RPS3A: variants seen among roughly 807,000 people sequenced by gnomAD.
RPS3A encodes small ribosomal subunit protein eS1.
RPS3A carries 1 observed loss-of-function variant against 26.4 expected under a neutral mutation model. That is an observed-to-expected ratio of 0.04 (90% CI 0.01 to 0.18). RPS3A has a LOEUF of 0.18. RPS3A is among the 10% of genes least tolerant of loss of function. The pLI is 1.00. For missense variants in RPS3A, 139 were observed against 326.8 expected, an observed-to-expected ratio of 0.43 and a Z score of 4.43; for synonymous variants, 97 against 106.1, an observed-to-expected ratio of 0.91 and a Z score of 0.53.
chr4:151,103,707 G>C (rs1747230458), intron 4 of RPS3A: 1 of 1,089,036 alleles, frequency 9.2e-7, no homozygotes, highest in South Asian at 2.1e-5. Context: ...TTTGAGGCCA[G>C]CCTGGGCAAT....
Position 151,101,109 on chromosome 4 carries a change from C to T in RPS3A, c.301C>T (p.His101Tyr). 1 of 1,607,926 alleles carries T rather than the reference C, an allele frequency of 6.2e-7. No individual in the cohort carries two copies. The highest frequency in any genetic ancestry group is 8.5e-7 in the Non-Finnish European group (1 of 1,176,132). The change falls in exon 3 of 6, where the codon CAT becomes TAT. Residue 101 changes from histidine to tyrosine, a missense_variant. Physicochemically the swap from His to Tyr is moderately conservative, Grantham distance 83. This residue lies in a region of RPS3A where 96 missense variants were observed against 209.8 expected (regional missense o/e 0.46). Transcript: ENST00000274065. ...VQGKNCLTNF[H>Y]GMDLTRDKMC... ...GGGTAAAAACTGCCTGACTAACTTC[C>T]ATGGCATGGATCTTACCCGTGACAA...
rs200415657 is a variant in RPS3A at position 151,099,676 on chromosome 4, C to G, written c.24C>G (p.Arg8=). ...CCATGGCGGTTGGCAAGAACAAGCG[C>G]CTTACGAAAGGCGGCAAAAAGGGAG... The part of the protein sequence containing the change: MAVGKNK[R]LTKGGKKGAK... The change falls in exon 1 of 6, where the codon CGC becomes CGG. Residue 8 remains arginine (R), a synonymous_variant. Transcript: ENST00000274065. 4 of 1,614,044 alleles carry G rather than the reference C, an allele frequency of 2.5e-6. No individual in the cohort carries two copies. The highest frequency in any genetic ancestry group is 3.4e-6 in the Non-Finnish European group (4 of 1,179,970).
At position 151,102,748 on chromosome 4, in the gene RPS3A, T is replaced by G. The variant is rs1747185172; in HGVS notation, c.355-123T>G. The stretch of plus-strand genomic sequence containing the variant: ...TTCTGTAAACTTAAAGAGATGTTAC[T>G]TATGTTAGGATACTTTATATTTAAT... On this transcript the variant is annotated intron_variant, in intron 3 of 5. Transcript: ENST00000274065. The G allele has an allele frequency of 7.2e-6, 8 of 1,115,694 alleles. No individual in the cohort carries two copies. In the South Asian group the frequency reaches 1.2e-4, roughly 16 times the overall value. The allele number at this position is 1,115,694 out of a possible 1,614,324, so 69.1% of individuals were successfully genotyped here.
In RPS3A at chr4:151,099,650, A is replaced by G. The variant is rs543997120; in HGVS notation, c.-3A>G. The G allele has an allele frequency of 2.5e-6, 4 of 1,613,892 alleles. No individual in the cohort carries two copies. Among genetic ancestry groups the G allele is most frequent in the African/African-American group, 2.7e-5 (2 of 75,068 alleles). On this transcript the variant is annotated 5_prime_UTR_variant, in exon 1 of 6. Transcript: ENST00000274065. ...CCGCCCTTTTGGCTCTCTGACCAGC[A>G]CCATGGCGGTTGGCAAGAACAAGCG... is the stretch of plus-strand genomic sequence containing the variant.
intron 4 of RPS3A, chr4:151,103,898 C>G (rs774197502): frequency 2.0e-6 from 3 of 1,463,858 alleles, no homozygotes; most frequent in Non-Finnish European, 2.7e-6. Context: ...TGTTCCCATG[C>G]AATATACAGT....
At chr4:151,103,782 A>G in intron 4 of RPS3A, 1 of 1,337,610 alleles carries the variant, frequency 7.5e-7, no homozygotes, top group Non-Finnish European at 9.9e-7. Flanking sequence ...ACAAAGAAAA[A>G]ATACACTGAA....
Position 151,104,270 on chromosome 4 carries a change from G to A in RPS3A, c.657G>A (p.Lys219=). Reference sequence around the variant, plus strand: ...TCGTTAGAAAAGTAAAAATGCTGAAGAAGCCCAAGTTTGAATGTAAGTGAG... The same window carrying A: ...TCGTTAGAAAAGTAAAAATGCTGAAAAAGCCCAAGTTTGAATGTAAGTGAG... ...DVFVRKVKML[K]KPKFELGKLM... The change falls in exon 5 of 6, where the codon AAG becomes AAA. Residue 219 remains lysine (K), a synonymous_variant. Transcript: ENST00000274065. The A allele has an allele frequency of 6.2e-7, 1 of 1,612,830 alleles. No individual in the cohort carries two copies. The highest frequency in any genetic ancestry group is 8.5e-7 in the Non-Finnish European group (1 of 1,179,736).
chr4:151,102,145 G>A, intron 3 of RPS3A: 1 of 486,856 alleles, frequency 2.1e-6, no homozygotes, highest in South Asian at 1.5e-5. Flanking sequence ...AGGCTTTATG[G>A]TTTACATTTC....
chr4:151,099,629 C>T lies in RPS3A; in HGVS notation c.-24C>T, dbSNP rs376746526. The T allele has an allele frequency of 4.7e-5, 76 of 1,612,068 alleles. No homozygotes were observed. Among genetic ancestry groups the T allele is most frequent in the Non-Finnish European group, 5.9e-5 (70 of 1,179,330 alleles). On this transcript the variant is annotated 5_prime_UTR_variant, in exon 1 of 6. Transcript: ENST00000274065. ...GTTCTCGCGCGACTCCCACTTCCGC[C>T]CTTTTGGCTCTCTGACCAGCACCAT...
rs755061202 is a variant in RPS3A at position 151,104,195 on chromosome 4, A to G, written c.582A>G (p.Gly194=). Reference sequence around the variant, plus strand: ...TTTGCAGGATTCCAGACAGCATTGGAAAAGACATAGAAAAGGCTTGCCAAT... The same window carrying G: ...TTTGCAGGATTCCAGACAGCATTGGGAAAGACATAGAAAAGGCTTGCCAAT... ...VVNKLIPDSI[G]KDIEKACQSI... Residue 194 remains glycine (G), a synonymous_variant, in exon 5 of 6, where the codon GGA becomes GGG. Coordinates refer to ENST00000274065, the MANE Select transcript of RPS3A (RefSeq NM_001006.5). 1.1e-5 allele frequency: 17 copies of G among 1,611,116 alleles called. No homozygotes were observed. The South Asian group carries it at 1.8e-4, about 17-fold the overall frequency.
chr4:151,103,552 C>A, intron 4 of RPS3A: 1 of 1,032,390 alleles, frequency 9.7e-7, no homozygotes, highest in Non-Finnish European at 1.2e-6. Context: ...TTGAATGAAG[C>A]TGTCTCACAG....
Position 151,099,778 on chromosome 4 carries a change from T to A in RPS3A, c.62+64T>A, listed in dbSNP as rs1054462229. On this transcript the variant is annotated intron_variant, in intron 1 of 5. Transcript: ENST00000274065. ...TCTGCTGGAATCGGCGGGCTGGTCC[T>A]AGATCGCGGCGTAGGCCGGATGGCG... 1.3e-5 allele frequency: 20 copies of A among 1,521,200 alleles called. No homozygotes were observed. In the African/African-American group the frequency reaches 2.6e-4, roughly 20 times the overall value. The allele number at this position is 1,521,200 out of a possible 1,614,324, so 94.2% of individuals were successfully genotyped here. A position where few individuals can be genotyped will look rare whatever the true frequency, so the allele number is the denominator to read the frequency against.
Position 151,101,054 on chromosome 4 carries a change from A to G in RPS3A, c.246A>G (p.Arg82=). ...TGCAGAATGATGAAGTTGCATTTAG[A>G]AAATTCAAGCTGATTACTGAAGATG... is the stretch of plus-strand genomic sequence containing the variant. The part of the protein sequence containing the change: ...ADLQNDEVAF[R]KFKLITEDVQ... Residue 82 remains arginine, a synonymous_variant, in exon 3 of 6, where the codon AGA becomes AGG. Transcript: ENST00000274065. 1.3e-6 allele frequency: 2 copies of G among 1,593,128 alleles called. No individual in the cohort carries two copies. The highest frequency in any genetic ancestry group is 1.7e-6 in the Non-Finnish European group (2 of 1,169,328).
chr4:151,102,519 T>G (rs1175394428), intron 3 of RPS3A, among the ~76,000 whole-genome samples: 2 of 151,936 alleles, frequency 1.3e-5, no homozygotes, highest in Non-Finnish European at 2.9e-5. Flanking sequence ...TCAGACCTAT[T>G]TTCCTCTGGT....
In RPS3A at chr4:151,102,769, TTAA is replaced by T. The variant is rs539797568; in HGVS notation, c.355-97_355-95del. ...TTACTTATGTTAGGATACTTTATATTTAATAATGAGTGTTTGACAATCCAGCTT... is the reference window on the plus strand; with the variant it reads ...TTACTTATGTTAGGATACTTTATATTTAATGAGTGTTTGACAATCCAGCTT... On this transcript the variant is annotated intron_variant, in intron 3 of 5. Coordinates refer to ENST00000274065, the MANE Select transcript of RPS3A (RefSeq NM_001006.5). 5.8e-4 allele frequency: 734 copies of T among 1,266,110 alleles called. 6 individuals are homozygous for T. The African/African-American group carries it at 8.9e-3, about 15-fold the overall frequency. The allele number at this position is 1,266,110 out of a possible 1,614,324, so 78.4% of individuals were successfully genotyped here. A position where few individuals can be genotyped will look rare whatever the true frequency, so the allele number is the denominator to read the frequency against.
chr4:151,104,048 A>G (rs1747254105), intron 4 of RPS3A, 129 bp from the exon 5 acceptor site: 1 of 1,489,318 alleles, frequency 6.7e-7, no homozygotes, highest in Non-Finnish European at 8.9e-7. Context: ...TAACAGGAGG[A>G]TTTATGCAGG....
rs760197988 is a variant in RPS3A, at chr4:151,099,651, C to T, written c.-2C>T. ...CGCCCTTTTGGCTCTCTGACCAGCA[C>T]CATGGCGGTTGGCAAGAACAAGCGC... On this transcript the variant is annotated 5_prime_UTR_variant, in exon 1 of 6. Coordinates refer to ENST00000274065, the MANE Select transcript of RPS3A (RefSeq NM_001006.5). 10 of 1,613,894 alleles carry T rather than the reference C, an allele frequency of 6.2e-6. No individual in the cohort carries two copies. Among genetic ancestry groups the T allele is most frequent in the South Asian group, 2.2e-5 (2 of 91,026 alleles).
At chr4:151,100,378 A>T in intron 1 of RPS3A, 107 bp from the exon 2 acceptor site, 1 of 665,258 alleles carries the variant, frequency 1.5e-6, no homozygotes, top group Non-Finnish European at 2.7e-6. Flanking sequence ...CTTTGGTATC[A>T]AATTGCCGGT....
At chr4:151,103,531 GTTTA>G (rs746038159) in intron 4 of RPS3A, 84 of 1,030,004 alleles carry the variant, frequency 8.2e-5, no homozygotes, top group Non-Finnish European at 9.5e-5. Flanking sequence ...GTTTTTTCGT[GTTTA>G]TTTATTTTGA....
Sources: allele counts gnomAD v4.1 joint callset (sites outside exome capture counted in the v4.1 genomes callset), GRCh38; gene constraint gnomAD v4.1.1; regional missense constraint gnomAD v4.1.1; transcripts MANE v1.5; gene names NCBI Gene and HGNC (gene_info 2026-07-23, HGNC 2026-07-21).